Variants in LUZP2 observed in about 807,000 individuals in gnomAD.
LUZP2 encodes leucine zipper protein 2.
A neutral mutation model predicts 51.6 loss-of-function variants in LUZP2; 52 were observed. The observed-to-expected ratio is 1.01, with a 90% confidence interval of 0.81 to 1.27. LUZP2 has a LOEUF of 1.27. LUZP2 is among the 50% of genes most tolerant of loss of function. LUZP2 has a pLI of 0.00. For missense variants in LUZP2, 436 were observed against 395.4 expected (o/e 1.10, Z -0.87); for synonymous variants, 154 against 137.3 (o/e 1.12, Z -0.85).
At chr11:24,602,287 T>C (rs967397636) in intron 1 of LUZP2, among the ~76,000 whole-genome samples, 17 of 110,684 alleles carry the variant, frequency 1.5e-4, no homozygotes, top group African/African-American at 4.5e-4. Context: ...TATACACACA[T>C]ATATATGTAC....
intron 7 of LUZP2, among the ~76,000 whole-genome samples, chr11:24,972,430 G>T (rs1009799892): frequency 1.3e-5 from 2 of 152,006 alleles, no homozygotes; most frequent in Non-Finnish European, 2.9e-5. Context: ...CTTTAAAGAA[G>T]AGGAAACTGA....
Position 24,555,542 on chromosome 11 carries a change from A to G in LUZP2, c.62+58237A>G, listed in dbSNP as rs118136188. Among the ~76,000 whole-genome samples the G allele has an allele frequency of 4.2e-3, 642 of 152,296 alleles. 2 individuals are homozygous for G. Among genetic ancestry groups the G allele is most frequent in the Middle Eastern group, 0.01 (3 of 294 alleles). On this transcript the variant is annotated intron_variant, in intron 1 of 11. Coordinates refer to ENST00000336930, the MANE Select transcript of LUZP2 (RefSeq NM_001009909.4). ...GACTCAACCTCTCTCTGGTACCTCC[A>G]CTAACTGTCATGGACTAGTTTAGTT...
At chr11:24,922,366 C>T (rs1279593397) in intron 7 of LUZP2, among the ~76,000 whole-genome samples, 1 of 152,146 alleles carries the variant, frequency 6.6e-6, no homozygotes, top group Non-Finnish European at 1.5e-5. Flanking sequence ...GTATGTATAA[C>T]AGAGTGTCAG....
rs187690977 is a variant in LUZP2, at chr11:24,917,275, C to T, written c.522+2737C>T. 2.3e-3 allele frequency among the ~76,000 whole-genome samples: 347 copies of T among 152,188 alleles called. 1 individual carries two copies. Among genetic ancestry groups the T allele is most frequent in the African/African-American group, 7.5e-3 (312 of 41,538 alleles). ...TAGATTGCAAAAATTTTCTCCCATT[C>T]TGTAGGTTGCCTGTTCACTTTGATG... On this transcript the variant is annotated intron_variant, in intron 7 of 11. Transcript: ENST00000336930.
chr11:25,003,850 C>A (rs1472045182), intron 9 of LUZP2, among the ~76,000 whole-genome samples: 1 of 152,156 alleles, frequency 6.6e-6, no homozygotes, highest in Non-Finnish European at 1.5e-5. Flanking sequence ...GCTAATATAT[C>A]TGTCCCTAAT....
intron 10 of LUZP2, among the ~76,000 whole-genome samples, chr11:25,051,838 G>A (rs1308737247): frequency 6.6e-6 from 1 of 152,116 alleles, no homozygotes; most frequent in Non-Finnish European, 1.5e-5. Context: ...ATTTATGTGT[G>A]GTTTGCTAGG....
At chr11:24,720,102 TTGAG>T (rs1858207111) in intron 1 of LUZP2, among the ~76,000 whole-genome samples, 7 of 152,218 alleles carry the variant, frequency 4.6e-5, no homozygotes, top group Non-Finnish European at 1.0e-4. Flanking sequence ...ATTAGAATAT[TTGAG>T]TATTTACGTA....
At chr11:24,770,014 G>A (rs1035536874) in intron 5 of LUZP2, among the ~76,000 whole-genome samples, 7 of 152,070 alleles carry the variant, frequency 4.6e-5, no homozygotes, top group South Asian at 2.1e-4. Flanking sequence ...GGCTGGTCTC[G>A]AACTCCTGAC....
At chr11:24,771,763 C>T (rs1486175807) in intron 5 of LUZP2, among the ~76,000 whole-genome samples, 1 of 151,980 alleles carries the variant, frequency 6.6e-6, no homozygotes, top group African/African-American at 2.4e-5. Flanking sequence ...GGCAGTTTTC[C>T]CCGTACTGTT....
Position 24,504,831 on chromosome 11 carries a change from G to A in LUZP2, c.62+7526G>A, listed in dbSNP as rs796752347. ...ATTCTCCTGGGGCCAGGGCAAGCGG[G>A]GAACTAACCCAATGAATGGCTTTCA... is the stretch of plus-strand genomic sequence containing the variant. On this transcript the variant is annotated intron_variant, in intron 1 of 11. Coordinates refer to ENST00000336930, the MANE Select transcript of LUZP2 (RefSeq NM_001009909.4). Among the ~76,000 whole-genome samples, 18 of 152,076 alleles carry A rather than the reference G, an allele frequency of 1.2e-4. 1 individual carries two copies. The highest frequency in any genetic ancestry group is 4.1e-4 in the African/African-American group (17 of 41,498).
At chr11:24,876,124 A>T (rs1234943971) in intron 5 of LUZP2, among the ~76,000 whole-genome samples, 3 of 151,154 alleles carry the variant, frequency 2.0e-5, no homozygotes, top group Non-Finnish European at 4.4e-5. Context: ...CCCATTTGTC[A>T]ATTTTGGCTT....
chr11:24,512,399 A>C (rs1282526995), intron 1 of LUZP2, among the ~76,000 whole-genome samples: 1 of 152,224 alleles, frequency 6.6e-6, no homozygotes, highest in Non-Finnish European at 1.5e-5. Flanking sequence ...ACAAATATTT[A>C]ATAGTACAAG....
At chr11:24,576,719 A>G (rs1852664894) in intron 1 of LUZP2, among the ~76,000 whole-genome samples, 1 of 152,070 alleles carries the variant, frequency 6.6e-6, no homozygotes, top group South Asian at 2.1e-4. Flanking sequence ...TTCTTTTATA[A>G]TGAATTGTAG....
At chr11:24,671,334 C>T (rs1291790195) in intron 1 of LUZP2, among the ~76,000 whole-genome samples, 1 of 151,802 alleles carries the variant, frequency 6.6e-6, no homozygotes, top group East Asian at 1.9e-4. Context: ...AAATATTCCC[C>T]TCCCACAACT....
intron 9 of LUZP2, among the ~76,000 whole-genome samples, chr11:25,049,110 G>A (rs1018992633): frequency 6.6e-5 from 10 of 152,082 alleles, no homozygotes; most frequent in African/African-American, 2.4e-4. Context: ...AAGTAGCGCA[G>A]GTAAAAATAC....
intron 10 of LUZP2, among the ~76,000 whole-genome samples, chr11:25,058,762 C>T (rs942644226): frequency 1.3e-5 from 2 of 152,214 alleles, no homozygotes; most frequent in African/African-American, 2.4e-5. Flanking sequence ...CCACTCCTGC[C>T]GTTGGCTCCA....
intron 1 of LUZP2, among the ~76,000 whole-genome samples, chr11:24,630,452 T>G (rs576514641): frequency 6.6e-6 from 1 of 152,242 alleles, no homozygotes; most frequent in East Asian, 1.9e-4. Context: ...GGGTGTCTTT[T>G]CTACAATGTA....
intron 6 of LUZP2, among the ~76,000 whole-genome samples, chr11:24,910,164 T>A (rs991430395): frequency 6.6e-6 from 1 of 152,062 alleles, no homozygotes; most frequent in Admixed American, 6.6e-5. Context: ...TTAGGGTAAC[T>A]GGTGGAAGAA....
At chr11:24,558,149 G>C (rs1430130098) in intron 1 of LUZP2, among the ~76,000 whole-genome samples, 2 of 152,074 alleles carry the variant, frequency 1.3e-5, no homozygotes, top group Non-Finnish European at 2.9e-5. Context: ...CAAAATTCCA[G>C]GTTCACCAGC....
Sources: gnomAD v4.1 joint callset for allele counts (sites outside exome capture counted in the v4.1 genomes callset) on GRCh38, gnomAD v4.1.1 for gene constraint, MANE v1.5 for transcripts, NCBI Gene and HGNC (gene_info 2026-07-23, HGNC 2026-07-21) for gene names.